The following MCF2 variants were observed in gnomAD, a reference collection of about 807,000 sequenced individuals.
MCF2 encodes the protein proto-oncogene DBL.
MCF2 carries 44 observed loss-of-function variants against 82.5 expected under a neutral mutation model. That is an observed-to-expected ratio of 0.53 (90% CI 0.42 to 0.69). The LOEUF (loss-of-function observed/expected upper bound fraction) is 0.69. Ranked by LOEUF, MCF2 falls within the 30% of genes least tolerant of loss-of-function variation. The pLI is 0.00. For missense variants in MCF2, 623 were observed against 663.1 expected (o/e 0.94, Z 0.66); for synonymous variants, 217 against 224.9 (o/e 0.96, Z 0.32).
At chrX:139,621,722 A>G (rs961156324) in intron 6 of MCF2, among the ~76,000 whole-genome samples, 1 of 111,687 alleles carries the variant, frequency 9.0e-6, no homozygotes, top group Non-Finnish European at 1.9e-5. Context: ...TTATACAAAA[A>G]CTAATTCAAG....
At chrX:139,609,299 C>T (rs960361225) in intron 11 of MCF2, among the ~76,000 whole-genome samples, 1 of 112,698 alleles carries the variant, frequency 8.9e-6, no homozygotes, top group Non-Finnish European at 1.9e-5. Context: ...AATCCCAACA[C>T]TTTGGGAGAC....
chrX:139,676,131 G>C (rs77657507), intron 1 of MCF2, among the ~76,000 whole-genome samples: 7 of 112,807 alleles, frequency 6.2e-5, no homozygotes, highest in African/African-American at 2.3e-4. Context: ...TGCTGAGCCA[G>C]GTGTGAGATA....
At chrX:139,617,341 C>T (rs1931992055) in intron 8 of MCF2, among the ~76,000 whole-genome samples, 172 bp downstream of exon 11, 2 of 111,267 alleles carry the variant, frequency 1.8e-5, no homozygotes, top group Non-Finnish European at 3.8e-5. Flanking sequence ...AAACTCAGTC[C>T]TTCAGACTTC....
At position 139,699,688 on chromosome X, in the gene MCF2, T is replaced by A. The variant is rs1262956342; in HGVS notation, c.-45+8418A>T. 2.7e-5 allele frequency among the ~76,000 whole-genome samples: 3 copies of A among 112,689 alleles called. No homozygotes were observed. In the East Asian group the frequency reaches 8.3e-4, roughly 31 times the overall value. On this transcript the variant is annotated intron_variant, in intron 1 of 27. Coordinates refer to the MCF2 transcript ENST00000414978. ...GTAGCATGTATTAGTATTTCATTCC[T>A]TTTTAAGGCTGAATAATACTTCATT...
exon 24 of MCF2, chrX:139,585,090 A>C (rs1209373836): frequency 8.3e-7 from 1 of 1,199,431 alleles, no homozygotes; most frequent in Non-Finnish European, 1.1e-6. Flanking sequence ...TTTCTTCTTC[A>C]TTTTCATCAT....
chrX:139,626,137 G>T, intron 6 of MCF2, 56 bp downstream of exon 9: 1 of 695,990 alleles, frequency 1.4e-6, no homozygotes. Flanking sequence ...CATGATTAAG[G>T]AGTAAAAACC....
intron 1 of MCF2, among the ~76,000 whole-genome samples, chrX:139,635,906 T>A (rs1933188069): frequency 1.8e-5 from 2 of 110,323 alleles, no homozygotes; most frequent in Non-Finnish European, 3.8e-5. Flanking sequence ...CCCGTGTCTG[T>A]TGTTTCCTTC....
chrX:139,598,088 T>C (rs1479967181), intron 17 of MCF2, among the ~76,000 whole-genome samples: 1 of 112,200 alleles, frequency 8.9e-6, no homozygotes, highest in African/African-American at 3.2e-5. Context: ...CTCAAAACTA[T>C]AAGAAATATT....
At chrX:139,674,252 C>T (rs1181349009) in intron 1 of MCF2, among the ~76,000 whole-genome samples, 2 of 111,498 alleles carry the variant, frequency 1.8e-5, no homozygotes, top group Non-Finnish European at 3.8e-5. Flanking sequence ...TACAGCACAC[C>T]AATGGGTCTT....
At chrX:139,629,650 T>C (rs748337605) in intron 4 of MCF2, 45 bp downstream of exon 7, 43 of 1,163,602 alleles carry the variant, frequency 3.7e-5, no homozygotes, top group Admixed American at 6.7e-5. Context: ...CCTCTCTAGA[T>C]AAAGACCATG....
rs184820591 is a variant in MCF2, at chrX:139,617,734, A to G, written c.808-30T>C. 4.0e-5 allele frequency: 38 copies of G among 949,004 alleles called. No homozygotes were observed. The East Asian group carries it at 1.1e-3, about 28-fold the overall frequency. 78.2% of individuals were successfully genotyped at this position (949,004 alleles called of 1,213,427 possible). A position where few individuals can be genotyped will look rare whatever the true frequency, so the allele number is the denominator to read the frequency against. Reference sequence around the variant, plus strand: ...TTATAACAAAGACAAAAAATAATGAATACATGATCTCTGTTCCTATAGAGA... The same window carrying G: ...TTATAACAAAGACAAAAAATAATGAGTACATGATCTCTGTTCCTATAGAGA... On this transcript the variant is annotated intron_variant, in intron 7 of 24. Coordinates refer to ENST00000370576, the Ensembl canonical transcript of MCF2.
intron 24 of MCF2, among the ~76,000 whole-genome samples, chrX:139,582,827 A>G (rs1489286036): frequency 8.9e-6 from 1 of 112,320 alleles, no homozygotes; most frequent in East Asian, 2.8e-4. Context: ...TTCATAGATC[A>G]TCTACAGCAA....
intron 1 of MCF2, among the ~76,000 whole-genome samples, chrX:139,635,058 A>T (rs1254837203): frequency 8.9e-6 from 1 of 111,768 alleles, no homozygotes; most frequent in Non-Finnish European, 1.9e-5. Context: ...ATGGCGACAG[A>T]GCGAGACCTC....
intron 3 of MCF2, among the ~76,000 whole-genome samples, chrX:139,631,041 T>C (rs1411434672): frequency 8.9e-6 from 1 of 111,967 alleles, no homozygotes; most frequent in African/African-American, 3.2e-5. Context: ...TTATGTATAT[T>C]GACCAAGGTC....
intron 1 of MCF2, among the ~76,000 whole-genome samples, chrX:139,686,583 G>A (rs772105013): frequency 9.1e-5 from 10 of 110,472 alleles, no homozygotes; most frequent in South Asian, 7.8e-4. Flanking sequence ...ATTTTTCCCC[G>A]TAAACCTACG....
chrX:139,639,096 G>A (rs771683177), intron 1 of MCF2, among the ~76,000 whole-genome samples: 50 of 110,793 alleles, frequency 4.5e-4, no homozygotes, highest in African/African-American at 1.6e-3. Flanking sequence ...TTTTGGTTTG[G>A]GAATATTATA....
chrX:139,582,209 G>C, exon 25 of MCF2: 1 of 401,379 alleles, frequency 2.5e-6, no homozygotes, highest in Non-Finnish European at 4.3e-6. Flanking sequence ...TAATTTTCAA[G>C]TCCAAAAGTA....
chrX:139,659,631 C>T (rs191539006), intron 1 of MCF2, among the ~76,000 whole-genome samples: 17 of 111,856 alleles, frequency 1.5e-4, no homozygotes, highest in African/African-American at 5.5e-4. Flanking sequence ...CCAGGCTGCA[C>T]ACACGTGCCA....
intron 12 of MCF2, chrX:139,607,263 C>T (rs1931110678): frequency 9.0e-6 from 1 of 111,618 alleles, no homozygotes; most frequent in South Asian, 3.7e-4. Flanking sequence ...TTTAAATATA[C>T]ATAATTTTGT....
Sources: gnomAD v4.1 joint callset for allele counts (sites outside exome capture counted in the v4.1 genomes callset) on GRCh38, gnomAD v4.1.1 for gene constraint, MANE v1.5 for transcripts, NCBI Gene and HGNC (gene_info 2026-07-23, HGNC 2026-07-21) for gene names.